The following ADARB2 variants were observed in gnomAD, a reference collection of about 807,000 sequenced individuals.
ADARB2 encodes the protein adenosine deaminase RNA specific B2 (inactive).
A neutral mutation model predicts 62.2 loss-of-function variants in ADARB2; 25 were observed. That is an observed-to-expected ratio of 0.40 (90% CI 0.29 to 0.56). The LOEUF (loss-of-function observed/expected upper bound fraction) is 0.56. Ranked by LOEUF, ADARB2 falls within the 20% of genes least tolerant of loss-of-function variation. The pLI, the probability that ADARB2 is intolerant of heterozygous loss-of-function variation, is 0.43. For missense variants in ADARB2, 1,071 were observed against 1,077.4 expected, an observed-to-expected ratio of 0.99 and a Z score of 0.08; for synonymous variants, 572 against 500.8, an observed-to-expected ratio of 1.14 and a Z score of -1.90.
intron 1 of ADARB2, among the ~76,000 whole-genome samples, chr10:1,692,803 A>G (rs745754935): frequency 3.3e-5 from 5 of 152,210 alleles, no homozygotes; most frequent in Non-Finnish European, 7.3e-5. Context: ...CGGTCAAAAT[A>G]TGTGCTAAGG....
chr10:1,607,815 C>T (rs1039708854), intron 1 of ADARB2, among the ~76,000 whole-genome samples: 2 of 152,202 alleles, frequency 1.3e-5, no homozygotes, highest in African/African-American at 2.4e-5. Flanking sequence ...GGACATGACG[C>T]GGCTGACCTC....
In ADARB2 at chr10:1,412,071, G is replaced by A. The variant is rs532060366; in HGVS notation, c.101-32911C>T. 1.7e-4 allele frequency among the ~76,000 whole-genome samples: 26 copies of A among 152,290 alleles called. No individual in the cohort carries two copies. In the South Asian group the frequency reaches 3.9e-3, roughly 23 times the overall value. On this transcript the variant is annotated intron_variant, in intron 1 of 9. Transcript: ENST00000381312. ...AATTTGAGGAGAGTGCTTGTCTTCC[G>A]AGAAATTCTCAGACTTCAGGGCATG...
At chr10:1,420,689 CAG>C (rs2131884667) in intron 1 of ADARB2, among the ~76,000 whole-genome samples, 1 of 150,982 alleles carries the variant, frequency 6.6e-6, no homozygotes, top group East Asian at 1.9e-4. Flanking sequence ...ACAGCGCTGA[CAG>C]AGAGGGAGCC....
chr10:1,719,030 A>ATGTCG (rs1564203803), intron 1 of ADARB2, among the ~76,000 whole-genome samples: 6 of 151,662 alleles, frequency 4.0e-5, no homozygotes, highest in Non-Finnish European at 7.4e-5. Context: ...GCGTGATGTC[A>ATGTCG]GCTCGCTGCA....
rs544269710 is a variant in ADARB2, at chr10:1,630,023, A to G, written c.100+107028T>C. On this transcript the variant is annotated intron_variant, in intron 1 of 9. Transcript: ENST00000381312. Reference sequence around the variant, plus strand: ...CCCCAGCAGTCACCCAGCCACACCCACTTGGCACTTCATGGCCACCTAGAC... The same window carrying G: ...CCCCAGCAGTCACCCAGCCACACCCGCTTGGCACTTCATGGCCACCTAGAC... Among the ~76,000 whole-genome samples the G allele has an allele frequency of 4.6e-5, 7 of 152,118 alleles. No individual in the cohort carries two copies. The South Asian group carries it at 8.3e-4, about 18-fold the overall frequency.
At chr10:1,533,564 C>T (rs1168374465) in intron 1 of ADARB2, among the ~76,000 whole-genome samples, 2 of 152,194 alleles carry the variant, frequency 1.3e-5, no homozygotes, top group South Asian at 2.1e-4. Context: ...GGCCATGCCA[C>T]GTCCTGACTC....
intron 3 of ADARB2, chr10:1,360,955 T>A (rs902301417): frequency 6.6e-6 from 1 of 152,186 alleles, no homozygotes; most frequent in Non-Finnish European, 1.5e-5. Flanking sequence ...ACATTTCACA[T>A]GAGTGGGACG....
intron 6 of ADARB2, among the ~76,000 whole-genome samples, chr10:1,219,026 G>A (rs1830657937): frequency 6.8e-6 from 1 of 148,056 alleles, no homozygotes; most frequent in Non-Finnish European, 1.5e-5. Context: ...CTCCAGCCTG[G>A]GCGACAGAGC....
chr10:1,642,565 T>C (rs1237506890), intron 1 of ADARB2, among the ~76,000 whole-genome samples: 4 of 152,176 alleles, frequency 2.6e-5, no homozygotes, highest in African/African-American at 9.7e-5. Flanking sequence ...ACCACATTGG[T>C]ATAATTTATA....
chr10:1,373,294 C>A (rs867093611), intron 2 of ADARB2, among the ~76,000 whole-genome samples: 5 of 134,778 alleles, frequency 3.7e-5, no homozygotes, highest in Non-Finnish European at 8.7e-5. Context: ...TCTGTCTCTA[C>A]CCCTGTTTCT....
rs569409003 is a variant in ADARB2 at position 1,375,730 on chromosome 10, CAT to C, written c.187+3342_187+3343del. The stretch of plus-strand genomic sequence containing the variant: ...TGCTCCTGACATATGTGCGTGCACA[CAT>C]GTGCACAGATTCACACGCCACACAC... On this transcript the variant is annotated intron_variant, in intron 2 of 9. Transcript: ENST00000381312. Among the ~76,000 whole-genome samples, 387 of 152,340 alleles carry C rather than the reference CAT, an allele frequency of 2.5e-3. 2 individuals carry two copies. The highest frequency in any genetic ancestry group is 9.1e-3 in the African/African-American group (379 of 41,582).
At chr10:1,469,311 A>C (rs1428923169) in intron 1 of ADARB2, among the ~76,000 whole-genome samples, 2 of 152,230 alleles carry the variant, frequency 1.3e-5, no homozygotes, top group Non-Finnish European at 2.9e-5. Context: ...CAAAGCTGGC[A>C]GATGATACTT....
At chr10:1,539,144 G>A (rs1832376722) in intron 1 of ADARB2, among the ~76,000 whole-genome samples, 1 of 152,202 alleles carries the variant, frequency 6.6e-6, no homozygotes, top group South Asian at 2.1e-4. Flanking sequence ...GAAACTCCAG[G>A]GGCAGCACTC....
At chr10:1,402,982 G>T (rs937800549) in intron 1 of ADARB2, among the ~76,000 whole-genome samples, 90 of 152,230 alleles carry the variant, frequency 5.9e-4, no homozygotes, top group Non-Finnish European at 2.5e-4. Flanking sequence ...TCCGTGAGGG[G>T]CACAGGACTC....
intron 3 of ADARB2, among the ~76,000 whole-genome samples, chr10:1,321,421 C>T (rs1831793914): frequency 6.6e-6 from 1 of 152,142 alleles, no homozygotes; most frequent in South Asian, 2.1e-4. Flanking sequence ...CTTCCTGTCT[C>T]CCAGGCTGGA....
chr10:1,478,369 T>C (rs1448334935), intron 1 of ADARB2, among the ~76,000 whole-genome samples: 5 of 152,116 alleles, frequency 3.3e-5, no homozygotes, highest in Non-Finnish European at 5.9e-5. Flanking sequence ...AGTAGAGTCA[T>C]GAGAATGCCT....
chr10:1,326,809 A>G lies in ADARB2; in HGVS notation c.1077+36219T>C, dbSNP rs1257424722. Among the ~76,000 whole-genome samples the G allele has an allele frequency of 5.7e-3, 656 of 115,002 alleles. 6 individuals carry two copies. The highest frequency in any genetic ancestry group is 0.014 in the South Asian group (41 of 2,900). The allele number at this position is 115,002 out of a possible 152,430, so 75.4% of individuals were successfully genotyped here. A position where few individuals can be genotyped will look rare whatever the true frequency, so the allele number is the denominator to read the frequency against. ...ACTGCCCAGCGCCTCCCCACGGCCC[A>G]GCGCCTCCCCACGGCCCAGCGCCTC... On this transcript the variant is annotated intron_variant, in intron 3 of 9. Coordinates refer to ENST00000381312, the MANE Select transcript of ADARB2 (RefSeq NM_018702.4).
At chr10:1,258,778 T>C (rs1276617240) in intron 4 of ADARB2, among the ~76,000 whole-genome samples, 2 of 152,200 alleles carry the variant, frequency 1.3e-5, no homozygotes, top group Non-Finnish European at 2.9e-5. Flanking sequence ...GGAATTGAAC[T>C]CAGCTCTGCA....
chr10:1,571,994 G>C (rs867687622), intron 1 of ADARB2, among the ~76,000 whole-genome samples: 1 of 148,160 alleles, frequency 6.7e-6, no homozygotes, highest in Non-Finnish European at 1.5e-5. Context: ...TGAGTGTGCA[G>C]GTGAGTGTGC....
Sources: allele counts gnomAD v4.1 joint callset (sites outside exome capture counted in the v4.1 genomes callset), GRCh38; gene constraint gnomAD v4.1.1; transcripts MANE v1.5; gene names NCBI Gene and HGNC (gene_info 2026-07-23, HGNC 2026-07-21).